Variants in DNAAF5 observed in about 807,000 individuals in gnomAD.
The protein encoded by DNAAF5 is dynein axonemal assembly factor 5, also known as HEAT repeat containing 2.
In DNAAF5, 64 loss-of-function variants were observed where a neutral mutation model predicts 75.8. That is an observed-to-expected ratio of 0.84 (90% CI 0.69 to 1.04). DNAAF5 has a LOEUF of 1.04. Ranked by LOEUF, DNAAF5 falls within the 50% of genes least tolerant of loss-of-function variation. The probability of loss-of-function intolerance (pLI) is 0.00; values close to 1 mark genes in which losing one functional copy is unlikely to be tolerated. For missense variants in DNAAF5, 1,269 were observed against 1,178.5 expected, an observed-to-expected ratio of 1.08 and a Z score of -1.12; for synonymous variants, 657 against 557.2, an observed-to-expected ratio of 1.18 and a Z score of -2.52.
Position 727,166 on chromosome 7 carries a change from T to G in DNAAF5, c.446T>G (p.Leu149Arg). 7.6e-7 allele frequency: 1 copy of G among 1,309,464 alleles called. No homozygotes were observed. The highest frequency in any genetic ancestry group is 9.8e-7 in the Non-Finnish European group (1 of 1,024,650). The allele number at this position is 1,309,464 out of a possible 1,614,324, so 81.1% of individuals were successfully genotyped here. ...CTGCGCCTGGCGCTTGTGCAGCTGCTGGGCCTGGCCGTGGACCTGTGCGGC... is the reference window on the plus strand; with the variant it reads ...CTGCGCCTGGCGCTTGTGCAGCTGCGGGGCCTGGCCGTGGACCTGTGCGGC... ...EELRLALVQL[L>R]GLAVDLCGAA... The change falls in exon 1 of 13, where the codon CTG becomes CGG. Residue 149 changes from leucine to arginine, a missense_variant. Leu to Arg is a moderately radical substitution (Grantham distance 102, BLOSUM62 -2). Transcript: ENST00000297440.
chr7:742,702 T>TGCCCAGCTCAAATCAATCAC (rs1781947863), intron 4 of DNAAF5, among the ~76,000 whole-genome samples: 6 of 145,588 alleles, frequency 4.1e-5, no homozygotes, highest in Non-Finnish European at 7.5e-5. Flanking sequence ...AAATCAATCA[T>TGCCCAGCTCAAATCAATCAC]GCCCAGCTCA....
chr7:784,974 C>T (rs1779102460), intron 12 of DNAAF5, among the ~76,000 whole-genome samples: 1 of 152,064 alleles, frequency 6.6e-6, no homozygotes, highest in Admixed American at 6.6e-5. Context: ...AGCATCAGGT[C>T]ACTTGTCCAC....
chr7:770,903 G>A, intron 9 of DNAAF5: 1 of 363,696 alleles, frequency 2.7e-6, no homozygotes, highest in East Asian at 4.5e-5. Flanking sequence ...AGGTGGGCGT[G>A]TGCAGTGACC....
At chr7:763,311 G>C (rs1412097732) in intron 7 of DNAAF5, among the ~76,000 whole-genome samples, 1 of 152,202 alleles carries the variant, frequency 6.6e-6, no homozygotes, top group African/African-American at 2.4e-5. Context: ...GGGAGCCTCA[G>C]CCCTTCCTCT....
At chr7:746,739 C>T (rs1323224136) in intron 4 of DNAAF5, among the ~76,000 whole-genome samples, 2 of 152,068 alleles carry the variant, frequency 1.3e-5, no homozygotes, top group Non-Finnish European at 2.9e-5. Context: ...GACCACGCTG[C>T]ATTCACCCTT....
intron 4 of DNAAF5, among the ~76,000 whole-genome samples, chr7:743,448 A>G (rs1346720920): frequency 4.6e-5 from 7 of 152,090 alleles, no homozygotes; most frequent in Non-Finnish European, 1.0e-4. Context: ...ATCCACGCCT[A>G]CAGAGCCGTG....
At chr7:774,296 G>C in intron 10 of DNAAF5, 98 bp downstream of exon 10, 1 of 1,282,460 alleles carries the variant, frequency 7.8e-7, no homozygotes, top group South Asian at 1.5e-5. Flanking sequence ...TGGGCAGGCA[G>C]CAGCTGCACC....
chr7:783,557 G>A (rs1779048616), intron 12 of DNAAF5, among the ~76,000 whole-genome samples: 1 of 152,214 alleles, frequency 6.6e-6, no homozygotes, highest in African/African-American at 2.4e-5. Flanking sequence ...CAGTGAGGGA[G>A]CCCCAGAGCC....
intron 12 of DNAAF5, among the ~76,000 whole-genome samples, chr7:781,386 T>TGC (rs910543191): frequency 2.6e-5 from 4 of 152,366 alleles, no homozygotes; most frequent in African/African-American, 9.6e-5. Flanking sequence ...AATATTCCAC[T>TGC]GCGTGCGCTC....
intron 4 of DNAAF5, among the ~76,000 whole-genome samples, chr7:750,621 G>T (rs1255458701): frequency 6.6e-6 from 1 of 152,198 alleles, no homozygotes; most frequent in Non-Finnish European, 1.5e-5. Context: ...TGATCTGACA[G>T]GAGGTGGAGC....
chr7:785,641 A>G lies in DNAAF5; in HGVS notation c.2556A>G (p.Pro852=). The G allele has an allele frequency of 6.2e-7, 1 of 1,612,974 alleles. No homozygotes were observed. Among genetic ancestry groups the G allele is most frequent in the Non-Finnish European group, 8.5e-7 (1 of 1,179,936 alleles). The change falls in exon 13 of 13, where the codon CCA becomes CCG. Residue 852 remains proline (P), a synonymous_variant. Transcript: ENST00000297440. ...EQLLQHVQAV[P]ATQ ...TCCTGCAGCATGTGCAGGCCGTGCC[A>G]GCCACACAGTGACCACGCTGGTTTC...
At position 770,973 on chromosome 7, in the gene DNAAF5, C is replaced by CGGCAGGGAACAAGCTCTT. The variant is rs1356282501; in HGVS notation, c.1931+364_1931+365insCAAGCTCTTGGCAGGGAA. 9 of 203,406 alleles carry CGGCAGGGAACAAGCTCTT rather than the reference C, an allele frequency of 4.4e-5. No individual in the cohort carries two copies. The South Asian group carries it at 7.5e-4, about 17-fold the overall frequency. 12.6% of individuals were successfully genotyped at this position (203,406 alleles called of 1,614,324 possible). ...TCCTCACTGGGTAAACACAAGCTCT[C>CGGCAGGGAACAAGCTCTT]GGCAGGGAATGCACAGAGAAGCACT... On this transcript the variant is annotated intron_variant, in intron 9 of 12. Transcript: ENST00000297440.
At chr7:753,118 A>G (rs2128077716) in intron 4 of DNAAF5, among the ~76,000 whole-genome samples, 1 of 152,380 alleles carries the variant, frequency 6.6e-6, no homozygotes, top group South Asian at 2.1e-4. Flanking sequence ...ATGGTTGGAC[A>G]GTTTCTAAAA....
chr7:737,140 G>A (rs1781762631), intron 2 of DNAAF5, among the ~76,000 whole-genome samples: 5 of 151,830 alleles, frequency 3.3e-5, no homozygotes. Context: ...CTGTCACCCA[G>A]GCTGGAGTGC....
intron 11 of DNAAF5, chr7:778,813 G>A (rs1349489048): frequency 1.3e-5 from 2 of 153,524 alleles, no homozygotes; most frequent in Non-Finnish European, 2.9e-5. Flanking sequence ...GCCGTGCAGT[G>A]AGCATACCCC....
chr7:733,690 T>C (rs1781652207), intron 2 of DNAAF5, among the ~76,000 whole-genome samples: 1 of 152,094 alleles, frequency 6.6e-6, no homozygotes, highest in Non-Finnish European at 1.5e-5. Flanking sequence ...TAGAGACAGT[T>C]TCACCATGTT....
chr7:753,336 T>C (rs62432226), intron 4 of DNAAF5, among the ~76,000 whole-genome samples: 127,993 of 152,202 alleles, frequency 0.84, 53,946 homozygotes, highest in Middle Eastern at 0.91. Flanking sequence ...CAGAAAACGA[T>C]GCAGAGTGAA....
intron 8 of DNAAF5, chr7:768,972 G>A (rs1778455504): frequency 5.1e-6 from 3 of 583,112 alleles, no homozygotes; most frequent in Admixed American, 2.8e-5. Flanking sequence ...CTCAAGTCAG[G>A]CGTCCCAGCA....
chr7:754,480 A>G lies in DNAAF5; in HGVS notation c.1025-109A>G. ...CGTCCACCCCAAGACTTGTTTTGAA[A>G]TGGTGAGGTTGAAACTCACAGGTGT... On this transcript the variant is annotated intron_variant, in intron 4 of 12. Transcript: ENST00000297440. This position sits in a 1 kb window ranked among gnomAD's most constrained non-coding sequence, Gnocchi z 4.8. The G allele has an allele frequency of 2.2e-6, 2 of 907,454 alleles. No individual in the cohort carries two copies. The highest frequency in any genetic ancestry group is 3.1e-5 in the South Asian group (2 of 65,438). The allele number at this position is 907,454 out of a possible 1,614,324, so 56.2% of individuals were successfully genotyped here.
Sources: gnomAD v4.1 joint callset for allele counts (sites outside exome capture counted in the v4.1 genomes callset) on GRCh38, gnomAD v4.1.1 for gene constraint, Gnocchi (gnomAD v3.1) non-coding constraint, MANE v1.5 for transcripts, NCBI Gene and HGNC (gene_info 2026-07-23, HGNC 2026-07-21) for gene names.